Variants in BIRC6 observed in about 807,000 individuals in gnomAD.
BIRC6 encodes the protein dual E2 ubiquitin-conjugating enzyme/E3 ubiquitin-protein ligase BIRC6.
A neutral mutation model predicts 503.3 loss-of-function variants in BIRC6; 98 were observed. The observed-to-expected ratio is 0.19, with a 90% CI of 0.17 to 0.23. BIRC6 has a LOEUF of 0.23. BIRC6 is among the 10% of genes least tolerant of loss of function. The probability of loss-of-function intolerance (pLI) is 1.00; values close to 1 mark genes in which losing one functional copy is unlikely to be tolerated. For missense variants in BIRC6, 5,360 were observed against 5,806.0 expected (o/e 0.92, Z 2.50); for synonymous variants, 2,240 against 2,078.7 (o/e 1.08, Z -2.11).
At chr2:32,500,732 A>G (rs1298301551) in intron 46 of BIRC6, among the ~76,000 whole-genome samples, 1 of 151,142 alleles carries the variant, frequency 6.6e-6, no homozygotes, top group East Asian at 1.9e-4. Flanking sequence ...CAGCCTCCCA[A>G]GTAGCTGGGA....
chr2:32,407,494 A>AGTGTAG (rs1285558948), intron 9 of BIRC6, among the ~76,000 whole-genome samples: 11 of 151,930 alleles, frequency 7.2e-5, no homozygotes, highest in Admixed American at 5.2e-4. Context: ...GTTCATATAA[A>AGTGTAG]GTGTAGTGCC....
At chr2:32,473,605 A>G (rs577176843) in intron 33 of BIRC6, among the ~76,000 whole-genome samples, 2 of 151,764 alleles carry the variant, frequency 1.3e-5, no homozygotes, top group East Asian at 1.9e-4. Flanking sequence ...GATGAAGGTC[A>G]AACTCTTTAA....
chr2:32,543,671 T>C (rs1013886501), intron 62 of BIRC6, 130 bp downstream of exon 62: 2 of 813,440 alleles, frequency 2.5e-6, no homozygotes, highest in African/African-American at 1.7e-5. Flanking sequence ...AAGTGGTAGC[T>C]CACTTCCAGT....
chr2:32,397,808 A>G (rs2040138711), intron 6 of BIRC6, among the ~76,000 whole-genome samples: 2 of 152,042 alleles, frequency 1.3e-5, no homozygotes, highest in South Asian at 4.1e-4. Context: ...CAGTATTATC[A>G]AATATTATTT....
chr2:32,357,272 G>C lies in BIRC6; in HGVS notation c.111G>C (p.Ser37=). ...RKMAAAAAAA[S]GPGCSSAAGA... is the part of the protein sequence containing the mutation. ...TGGCGGCTGCGGCTGCGGCGGCCTCGGGCCCCGGCTGCTCCTCGGCGGCGG... is the reference window on the plus strand; with the variant it reads ...TGGCGGCTGCGGCTGCGGCGGCCTCCGGCCCCGGCTGCTCCTCGGCGGCGG... The change falls in exon 1 of 74, where the codon TCG becomes TCC. Residue 37 remains serine, a synonymous_variant. Coordinates refer to ENST00000421745, the MANE Select transcript of BIRC6 (RefSeq NM_016252.4). This position sits in a 1 kb window ranked among gnomAD's most constrained non-coding sequence, Gnocchi z 4.9. 2.0e-6 allele frequency: 3 copies of C among 1,516,984 alleles called. No homozygotes were observed. Among genetic ancestry groups the C allele is most frequent in the Non-Finnish European group, 1.8e-6 (2 of 1,137,012 alleles). The allele number at this position is 1,516,984 out of a possible 1,614,324, so 94.0% of individuals were successfully genotyped here.
chr2:32,557,269 T>A (rs2058848577), intron 65 of BIRC6: 1 of 152,232 alleles, frequency 6.6e-6, no homozygotes, highest in African/African-American at 2.4e-5. Flanking sequence ...TTCTTTCCTA[T>A]ACTGACTAAA....
intron 63 of BIRC6, among the ~76,000 whole-genome samples, chr2:32,546,080 T>G (rs573077994): frequency 6.6e-6 from 1 of 152,272 alleles, no homozygotes; most frequent in Admixed American, 6.5e-5. Flanking sequence ...CAGAAAAGAT[T>G]TAAGCGCTTA....
rs369707403 is a variant in BIRC6, at chr2:32,557,253, A to G, written c.13144+7772A>G. On this transcript the variant is annotated intron_variant, in intron 65 of 73. Coordinates refer to ENST00000421745, the MANE Select transcript of BIRC6 (RefSeq NM_016252.4). ...AAACTTCATTTTTCTAAACATTTTC[A>G]TAGTCTTCTTTCCTATACTGACTAA... 7 of 152,336 alleles carry G rather than the reference A, an allele frequency of 4.6e-5. No homozygotes were observed. The East Asian group carries it at 1.2e-3, about 25-fold the overall frequency. 9.4% of individuals were successfully genotyped at this position (152,336 alleles called of 1,614,324 possible).
At chr2:32,404,314 A>T (rs1380500295) in intron 8 of BIRC6, among the ~76,000 whole-genome samples, 1 of 151,726 alleles carries the variant, frequency 6.6e-6, no homozygotes, top group African/African-American at 2.4e-5. Context: ...TATTTTATTC[A>T]TATAATTTTT....
chr2:32,459,485 T>C (rs910233484), intron 23 of BIRC6, among the ~76,000 whole-genome samples: 3 of 152,220 alleles, frequency 2.0e-5, no homozygotes, highest in African/African-American at 7.2e-5. Context: ...CCTACAAATA[T>C]TCTTTTTATT....
chr2:32,505,827 A>C (rs922085883), intron 50 of BIRC6, among the ~76,000 whole-genome samples: 3 of 152,152 alleles, frequency 2.0e-5, no homozygotes, highest in Admixed American at 2.0e-4. Flanking sequence ...AACTCTTTCA[A>C]GTATTTATAA....
intron 55 of BIRC6, among the ~76,000 whole-genome samples, 181 bp downstream of exon 55, chr2:32,515,951 T>C (rs913240996): frequency 2.0e-5 from 3 of 152,238 alleles, no homozygotes; most frequent in Non-Finnish European, 2.9e-5. Context: ...GAATCACTTA[T>C]TCTTTATGAT....
At chr2:32,446,047 G>A (rs2045913480) in intron 21 of BIRC6, among the ~76,000 whole-genome samples, 2 of 151,954 alleles carry the variant, frequency 1.3e-5, no homozygotes, top group East Asian at 1.9e-4. Context: ...GTAGAGACGG[G>A]GTTTCTTCAT....
intron 66 of BIRC6, among the ~76,000 whole-genome samples, chr2:32,580,606 G>C (rs1414011689): frequency 6.6e-6 from 1 of 152,144 alleles, no homozygotes; most frequent in African/African-American, 2.4e-5. Context: ...GCCACTGAAA[G>C]GTTTTCAGCA....
intron 65 of BIRC6, among the ~76,000 whole-genome samples, chr2:32,561,847 G>C (rs1045647336): frequency 1.3e-4 from 20 of 151,124 alleles, no homozygotes; most frequent in Admixed American, 5.3e-4. Flanking sequence ...TTCGAGACCA[G>C]CCTGGCCAAC....
At chr2:32,424,709 C>CA (rs1574110544) in intron 10 of BIRC6, among the ~76,000 whole-genome samples, 1 of 152,028 alleles carries the variant, frequency 6.6e-6, no homozygotes, top group East Asian at 1.9e-4. Flanking sequence ...GACACTATTT[C>CA]GCCATGTTGA....
chr2:32,469,328 C>A, intron 29 of BIRC6, 67 bp from the exon 30 acceptor site: 1 of 1,135,636 alleles, frequency 8.8e-7, no homozygotes, highest in Non-Finnish European at 1.2e-6. Context: ...TGTATTTAGG[C>A]ATGCGTATTT....
chr2:32,569,329 A>G (rs1374325110), intron 65 of BIRC6, among the ~76,000 whole-genome samples: 1 of 151,878 alleles, frequency 6.6e-6, no homozygotes, highest in African/African-American at 2.4e-5. Context: ...CCTTGGTTAA[A>G]TATATTCCTA....
At chr2:32,411,033 C>G (rs1419054311) in intron 9 of BIRC6, among the ~76,000 whole-genome samples, 1 of 150,010 alleles carries the variant, frequency 6.7e-6, no homozygotes, top group Non-Finnish European at 1.5e-5. Flanking sequence ...CATGGAGTCA[C>G]CTTGAGTTCA....
Sources: allele counts gnomAD v4.1 joint callset (sites outside exome capture counted in the v4.1 genomes callset), GRCh38; gene constraint gnomAD v4.1.1; non-coding constraint Gnocchi (gnomAD v3.1); transcripts MANE v1.5; gene names NCBI Gene and HGNC (gene_info 2026-07-23, HGNC 2026-07-21).